Variants in PPP2R2B observed in about 807,000 individuals in gnomAD.
The protein encoded by PPP2R2B is protein phosphatase 2 regulatory subunit Bbeta.
Under a neutral mutation model 46.0 loss-of-function variants are expected in PPP2R2B, and 5 were observed. The ratio of observed to expected loss-of-function variants is 0.11; its 90% CI spans 0.06 to 0.23. The LOEUF is 0.23. Ranked by LOEUF, PPP2R2B falls within the 10% of genes least tolerant of loss-of-function variation. PPP2R2B has a pLI of 1.00. For missense variants in PPP2R2B, 367 were observed against 575.0 expected, an observed-to-expected ratio of 0.64 and a Z score of 3.70; for synonymous variants, 215 against 206.7, an observed-to-expected ratio of 1.04 and a Z score of -0.34.
intron 1 of PPP2R2B, among the ~76,000 whole-genome samples, chr5:146,961,290 T>C (rs550867157): frequency 6.6e-5 from 10 of 152,304 alleles, no homozygotes; most frequent in African/African-American, 2.2e-4. Context: ...GTAAATCTTA[T>C]GTTTCTATGA....
chr5:146,816,941 C>A (rs1757965306), intron 2 of PPP2R2B, among the ~76,000 whole-genome samples: 1 of 152,190 alleles, frequency 6.6e-6, no homozygotes, highest in African/African-American at 2.4e-5. Context: ...AGATTTCTAT[C>A]AATGCTGTCA....
chr5:146,746,884 T>C (rs1753223173), intron 2 of PPP2R2B, among the ~76,000 whole-genome samples: 2 of 152,204 alleles, frequency 1.3e-5, no homozygotes, highest in Admixed American at 6.5e-5. Flanking sequence ...ATACCAAAAC[T>C]GAGGCTCAGG....
At chr5:147,054,786 C>A in intron 1 of PPP2R2B, 1 of 439,416 alleles carries the variant, frequency 2.3e-6, no homozygotes, top group Middle Eastern at 3.5e-4. Flanking sequence ...CAATCAAATG[C>A]CACTAGTAGG....
intron 2 of PPP2R2B, among the ~76,000 whole-genome samples, chr5:146,725,413 A>G (rs1751805019): frequency 1.3e-5 from 2 of 152,210 alleles, no homozygotes; most frequent in Admixed American, 1.3e-4. Context: ...CCGTTTCAGA[A>G]AAAAATAACC....
intron 1 of PPP2R2B, among the ~76,000 whole-genome samples, chr5:146,935,528 G>T (rs928400082): frequency 2.0e-5 from 3 of 152,166 alleles, no homozygotes; most frequent in Non-Finnish European, 4.4e-5. Flanking sequence ...CAATATGGGG[G>T]AATGCCAAGT....
intron 1 of PPP2R2B, among the ~76,000 whole-genome samples, chr5:146,959,397 T>C (rs1337247187): frequency 2.6e-5 from 4 of 152,058 alleles, no homozygotes; most frequent in African/African-American, 9.7e-5. Context: ...AAGGAAACAG[T>C]GATTGTAGTA....
chr5:146,974,211 T>C (rs1001858535), intron 1 of PPP2R2B, among the ~76,000 whole-genome samples: 1 of 152,230 alleles, frequency 6.6e-6, no homozygotes, highest in Non-Finnish European at 1.5e-5. Context: ...AGGACTCTGT[T>C]CTACAGTAGG....
chr5:146,780,222 A>T (rs922553699), intron 2 of PPP2R2B, among the ~76,000 whole-genome samples: 5 of 152,226 alleles, frequency 3.3e-5, no homozygotes, highest in African/African-American at 1.2e-4. Context: ...AAAATCAGAG[A>T]AGTAGTACAT....
chr5:146,737,427 G>A (rs1384071998), intron 2 of PPP2R2B, among the ~76,000 whole-genome samples: 1 of 150,342 alleles, frequency 6.7e-6, no homozygotes, highest in African/African-American at 2.4e-5. Flanking sequence ...CAAGACTGTA[G>A]AGAGTATTTA....
At chr5:146,697,332 T>C (rs2151161883) in intron 4 of PPP2R2B, among the ~76,000 whole-genome samples, 1 of 152,354 alleles carries the variant, frequency 6.6e-6, no homozygotes. Flanking sequence ...AATTCCACTG[T>C]ATAAAGACTT....
chr5:146,759,820 T>G (rs1008567512), intron 2 of PPP2R2B, among the ~76,000 whole-genome samples: 4 of 152,154 alleles, frequency 2.6e-5, no homozygotes, highest in Non-Finnish European at 5.9e-5. Flanking sequence ...CATAATTATT[T>G]TGAATCTATA....
In PPP2R2B at chr5:146,585,267, C is replaced by CACAAACAT. The variant is rs1554109070; in HGVS notation, c.*4679_*4680insATGTTTGT. 1 of 148,094 alleles carries CACAAACAT rather than the reference C, an allele frequency of 6.8e-6. No homozygotes were observed. The highest frequency in any genetic ancestry group is 1.5e-5 in the Non-Finnish European group (1 of 67,540). 9.2% of individuals were successfully genotyped at this position (148,094 alleles called of 1,614,324 possible). A position where few individuals can be genotyped will look rare whatever the true frequency, so the allele number is the denominator to read the frequency against. On this transcript the variant is annotated 3_prime_UTR_variant, in exon 10 of 10. Coordinates refer to ENST00000394411, the MANE Select transcript of PPP2R2B (RefSeq NM_181675.4). ...ACTTCCATCTACATGCATACACACA[C>CACAAACAT]ACACACACACACACACACACACACA...
At chr5:146,654,066 C>T (rs142009286) in intron 5 of PPP2R2B, among the ~76,000 whole-genome samples, 3 of 152,146 alleles carry the variant, frequency 2.0e-5, no homozygotes, top group East Asian at 3.9e-4. Context: ...GAAGGAGATC[C>T]GGACACTATT....
intron 2 of PPP2R2B, among the ~76,000 whole-genome samples, chr5:147,070,265 A>G (rs1757547546): frequency 1.3e-5 from 2 of 152,162 alleles, no homozygotes; most frequent in Non-Finnish European, 2.9e-5. Flanking sequence ...TATTTACTGA[A>G]TAAATGGATG....
At chr5:146,917,364 T>C (rs1763428513) in intron 1 of PPP2R2B, among the ~76,000 whole-genome samples, 1 of 152,214 alleles carries the variant, frequency 6.6e-6, no homozygotes, top group African/African-American at 2.4e-5. Context: ...TATACCCTCC[T>C]CGACTGCCAT....
chr5:146,892,439 C>T (rs1227766887), intron 1 of PPP2R2B, among the ~76,000 whole-genome samples: 2 of 152,166 alleles, frequency 1.3e-5, no homozygotes, highest in Non-Finnish European at 2.9e-5. Flanking sequence ...GTGTCCAGTG[C>T]CTGATTAAAA....
chr5:146,744,214 C>A (rs116238146), intron 2 of PPP2R2B, among the ~76,000 whole-genome samples: 3,239 of 152,190 alleles, frequency 0.021, 61 homozygotes, highest in Non-Finnish European at 0.031. Context: ...CATCCCCTGC[C>A]CCCACCCTTT....
chr5:146,637,080 T>G (rs1246925059), intron 7 of PPP2R2B, among the ~76,000 whole-genome samples: 1 of 152,226 alleles, frequency 6.6e-6, no homozygotes, highest in Non-Finnish European at 1.5e-5. Context: ...CCTTATACAT[T>G]GTTCCTGAAA....
At chr5:146,822,535 GTTT>G (rs368081191) in intron 2 of PPP2R2B, among the ~76,000 whole-genome samples, 65 of 125,296 alleles carry the variant, frequency 5.2e-4, no homozygotes, top group Non-Finnish European at 9.1e-4. Flanking sequence ...TTCATTTTTG[GTTT>G]TTTTTTTTTT....
Sources: allele counts gnomAD v4.1 joint callset (sites outside exome capture counted in the v4.1 genomes callset), GRCh38; gene constraint gnomAD v4.1.1; transcripts MANE v1.5; gene names NCBI Gene and HGNC (gene_info 2026-07-23, HGNC 2026-07-21).